The following BEND3 variants were observed in gnomAD, a reference collection of about 807,000 sequenced individuals.
The protein encoded by BEND3 is BEN domain-containing protein 3.
BEND3 carries 13 observed loss-of-function variants against 60.1 expected under a neutral mutation model. The ratio of observed to expected loss-of-function variants is 0.22; its 90% CI spans 0.14 to 0.34. BEND3 has a LOEUF of 0.34. Ranked by LOEUF, BEND3 falls within the 10% of genes least tolerant of loss-of-function variation. The pLI, the probability that BEND3 is intolerant of heterozygous loss-of-function variation, is 1.00. For synonymous variants in BEND3, 497 were observed against 491.5 expected (o/e 1.01, Z -0.15); for missense variants, 896 against 1,138.1 (o/e 0.79, Z 3.06).
At chr6:107,095,267 G>A (rs148292140) in intron 3 of BEND3, among the ~76,000 whole-genome samples, 2 of 152,064 alleles carry the variant, frequency 1.3e-5, no homozygotes, top group South Asian at 2.1e-4. Context: ...CAAGAGGATC[G>A]CTTGAGGCCA....
At chr6:107,078,601 T>A (rs1775152435) in intron 3 of BEND3, among the ~76,000 whole-genome samples, 1 of 68,476 alleles carries the variant, frequency 1.5e-5, no homozygotes, top group Non-Finnish European at 2.9e-5. Context: ...ATTACAGGCG[T>A]GAGCCTCCGT....
chr6:107,101,456 G>A (rs1215873149), intron 1 of BEND3, among the ~76,000 whole-genome samples: 2 of 152,112 alleles, frequency 1.3e-5, no homozygotes, highest in East Asian at 3.8e-4. Context: ...CAAGAACAGT[G>A]CACAATAGTG....
intron 3 of BEND3, among the ~76,000 whole-genome samples, chr6:107,081,733 A>G (rs1265136522): frequency 2.6e-5 from 4 of 152,020 alleles, no homozygotes; most frequent in Non-Finnish European, 4.4e-5. Context: ...CTGAAGCTCC[A>G]GCCAGACAAA....
intron 3 of BEND3, among the ~76,000 whole-genome samples, chr6:107,090,753 T>C (rs1374722135): frequency 6.6e-6 from 1 of 152,076 alleles, no homozygotes; most frequent in Non-Finnish European, 1.5e-5. Context: ...TTGCAAACTT[T>C]AGGGCAACCA....
intron 3 of BEND3, among the ~76,000 whole-genome samples, chr6:107,090,715 A>G (rs1775457817): frequency 6.6e-6 from 1 of 152,240 alleles, no homozygotes; most frequent in Admixed American, 6.5e-5. Context: ...TTATTTGAAC[A>G]TATGCTTGGA....
chr6:107,096,692 T>C (rs1287515696), intron 3 of BEND3, among the ~76,000 whole-genome samples: 2 of 152,228 alleles, frequency 1.3e-5, no homozygotes, highest in African/African-American at 4.8e-5. Flanking sequence ...TTAGTGATTG[T>C]CAGTAGCTGG....
In BEND3 at chr6:107,084,056, A is replaced by G. The variant is rs1236281169; in HGVS notation, c.241-13106T>C. 2.6e-5 allele frequency among the ~76,000 whole-genome samples: 4 copies of G among 152,278 alleles called. No homozygotes were observed. The East Asian group carries it at 7.7e-4, about 29-fold the overall frequency. ...CCTAACTACAAGGAAAAAGCTGAAC[A>G]AACTGAAAAAATCAACACGTTTTCT... On this transcript the variant is annotated intron_variant, in intron 3 of 3. Coordinates refer to ENST00000369042, the MANE Select transcript of BEND3 (RefSeq NM_001367314.1).
chr6:107,102,785 A>C (rs1554236879), intron 1 of BEND3, among the ~76,000 whole-genome samples: 1 of 152,176 alleles, frequency 6.6e-6, no homozygotes, highest in African/African-American at 2.4e-5. Context: ...TAACATCTGC[A>C]GCCCACCAAC....
At chr6:107,074,752 CT>C (rs1775064154) in intron 3 of BEND3, among the ~76,000 whole-genome samples, 1 of 152,134 alleles carries the variant, frequency 6.6e-6, no homozygotes, top group Non-Finnish European at 1.5e-5. Flanking sequence ...ACCTTTACCC[CT>C]AATGCAGTGT....
intron 3 of BEND3, among the ~76,000 whole-genome samples, chr6:107,083,013 A>G (rs1775264488): frequency 6.6e-6 from 1 of 152,230 alleles, no homozygotes; most frequent in African/African-American, 2.4e-5. Flanking sequence ...ACACTCATAC[A>G]GTCACTGGGT....
At chr6:107,073,237 A>G (rs372602372) in intron 3 of BEND3, among the ~76,000 whole-genome samples, 11 of 16,618 alleles carry the variant, frequency 6.6e-4, no homozygotes, top group South Asian at 1.4e-3. Flanking sequence ...ATATATATAT[A>G]TATATATATA....
In BEND3 at chr6:107,070,834, G is replaced by A. The variant is rs1774962779; in HGVS notation, c.357C>T (p.Cys119=). 1.2e-6 allele frequency: 2 copies of A among 1,613,954 alleles called. No homozygotes were observed. Among genetic ancestry groups the A allele is most frequent in the Non-Finnish European group, 1.7e-6 (2 of 1,180,028 alleles). The part of the protein sequence containing the change: ...GNVWPGEEEP[C]NDATTPSYKK... ...TGTAGGAAGGGGTGGTGGCATCGTT[G>A]CAGGGCTCCTCCTCTCCAGGCCACA... Residue 119 remains cysteine, a synonymous_variant, in exon 4 of 4, where the codon TGC becomes TGT. Coordinates refer to ENST00000369042, the MANE Select transcript of BEND3 (RefSeq NM_001367314.1). This position sits in a 1 kb window ranked among gnomAD's most constrained non-coding sequence, Gnocchi z 6.9.
intron 3 of BEND3, among the ~76,000 whole-genome samples, chr6:107,076,479 G>T (rs1394248518): frequency 1.3e-5 from 2 of 152,302 alleles, no homozygotes; most frequent in Non-Finnish European, 2.9e-5. Flanking sequence ...TGAACAAAAA[G>T]AAGCTGATGT....
Position 107,098,767 on chromosome 6 carries a change from GA to G in BEND3, c.38-15del, listed in dbSNP as rs782564971. On this transcript the variant is annotated splice_polypyrimidine_tract_variant and intron_variant, in intron 2 of 3. Coordinates refer to ENST00000369042, the MANE Select transcript of BEND3 (RefSeq NM_001367314.1). ...TACTTTTTAGAACTGTGTCAGAGAA[GA>G]AATAGGGCTCAGTGGGAAAAACCAG... 111 of 1,610,694 alleles carry G rather than the reference GA, an allele frequency of 6.9e-5. No homozygotes were observed. Among genetic ancestry groups the G allele is most frequent in the African/African-American group, 9.4e-5 (7 of 74,862 alleles).
At chr6:107,090,046 G>T (rs1463200822) in intron 3 of BEND3, among the ~76,000 whole-genome samples, 1 of 151,544 alleles carries the variant, frequency 6.6e-6, no homozygotes, top group Non-Finnish European at 1.5e-5. Flanking sequence ...CACATTACCT[G>T]ATTTTAAATT....
intron 3 of BEND3, among the ~76,000 whole-genome samples, chr6:107,083,142 C>A (rs782657650): frequency 6.6e-6 from 1 of 152,134 alleles, no homozygotes; most frequent in Non-Finnish European, 1.5e-5. Flanking sequence ...CACTAACTGT[C>A]TTGTAGCTTT....
chr6:107,073,273 G>C (rs1775030392), intron 3 of BEND3, among the ~76,000 whole-genome samples: 1 of 101,280 alleles, frequency 9.9e-6, no homozygotes, highest in African/African-American at 3.9e-5. Flanking sequence ...ATGTATGTGA[G>C]CAAATGGTCA....
chr6:107,090,589 C>T (rs782630015), intron 3 of BEND3, among the ~76,000 whole-genome samples: 18 of 151,894 alleles, frequency 1.2e-4, no homozygotes, highest in Non-Finnish European at 2.1e-4. Context: ...TGTGTGCACG[C>T]GCGTGTGCAC....
chr6:107,076,875 C>A (rs1467695942), intron 3 of BEND3, among the ~76,000 whole-genome samples: 3 of 151,978 alleles, frequency 2.0e-5, no homozygotes, highest in Non-Finnish European at 4.4e-5. Flanking sequence ...CTCTGTTGCC[C>A]AGGCTGGAGT....
Sources: gnomAD v4.1 joint callset for allele counts (sites outside exome capture counted in the v4.1 genomes callset) on GRCh38, gnomAD v4.1.1 for gene constraint, Gnocchi (gnomAD v3.1) non-coding constraint, MANE v1.5 for transcripts, NCBI Gene and HGNC (gene_info 2026-07-23, HGNC 2026-07-21) for gene names.